SLC28A2: variants seen among roughly 807,000 people sequenced by gnomAD.
SLC28A2 encodes the protein sodium/nucleoside cotransporter 2.
SLC28A2 carries 69 observed loss-of-function variants against 72.9 expected under a neutral mutation model. The ratio of observed to expected loss-of-function variants is 0.95; its 90% confidence interval spans 0.78 to 1.16. SLC28A2 has a LOEUF of 1.16. Ranked by LOEUF, SLC28A2 falls within the 50% of genes most tolerant of loss-of-function variation. The pLI is 0.00. For missense variants in SLC28A2, 745 were observed against 791.1 expected (o/e 0.94, Z 0.70); for synonymous variants, 296 against 294.1 (o/e 1.01, Z -0.07).
chr15:45,270,084 G>T, intron 14 of SLC28A2, 111 bp from the exon 15 acceptor site: 1 of 733,176 alleles, frequency 1.4e-6, no homozygotes, highest in East Asian at 2.5e-5. Context: ...TGTTCCTTGG[G>T]AAACCATGGA....
Position 45,263,182 on chromosome 15 carries a change from CA to C in SLC28A2, c.390del (p.Lys130AsnfsTer2), listed in dbSNP as rs1486675232. 6.2e-7 allele frequency: 1 copy of C among 1,613,928 alleles called. No individual in the cohort carries two copies. Among genetic ancestry groups the C allele is most frequent in the African/African-American group, 1.3e-5 (1 of 74,952 alleles). ...ACTCGTTTTTGAAAAAGCTCCTGGGCAAAAAATTAACAAGATGTCTGAAGCC... is the reference window on the plus strand; with the variant it reads ...ACTCGTTTTTGAAAAAGCTCCTGGGCAAAAATTAACAAGATGTCTGAAGCC... ...VHSFLKKLLG[K>X]KLTRCLKPFE... is the part of the protein sequence containing the mutation. On this transcript the variant is annotated frameshift_variant, in exon 5 of 18. Coordinates refer to ENST00000347644, the MANE Select transcript of SLC28A2 (RefSeq NM_004212.4). LOFTEE classifies it high-confidence loss of function.
intron 3 of SLC28A2, chr15:45,254,051 T>C (rs1298159773): frequency 6.6e-6 from 1 of 152,396 alleles, no homozygotes; most frequent in Non-Finnish European, 1.5e-5. Context: ...CAGTGCTATG[T>C]GAACAGGGGT....
intron 16 of SLC28A2, 94 bp downstream of exon 16, chr15:45,272,487 G>A (rs924688742): frequency 7.5e-5 from 76 of 1,018,590 alleles, no homozygotes; most frequent in Middle Eastern, 2.1e-4. Context: ...GAGTACAGGG[G>A]CAACAAAGAT....
At chr15:45,273,543 TAAG>T (rs1397622003) in intron 17 of SLC28A2, among the ~76,000 whole-genome samples, 1 of 152,208 alleles carries the variant, frequency 6.6e-6, no homozygotes, top group Non-Finnish European at 1.5e-5. Flanking sequence ...TGAGAGATCA[TAAG>T]AAGCCTTGTA....
rs1334518692 is a variant in SLC28A2 at position 45,272,350 on chromosome 15, C to G, written c.1704C>G (p.Leu568=). Residue 568 remains leucine (L), a synonymous_variant, in exon 16 of 18, where the codon CTC becomes CTG. Coordinates refer to ENST00000347644, the MANE Select transcript of SLC28A2 (RefSeq NM_004212.4). The part of the protein sequence containing the change: ...SDLSKVVVRA[L]FTGACVSLIS... Reference sequence around the variant, plus strand: ...TGTCCAAGGTTGTGGTCAGGGCCCTCTTCACAGGGGCCTGTGTATCCCTTA... The same window carrying G: ...TGTCCAAGGTTGTGGTCAGGGCCCTGTTCACAGGGGCCTGTGTATCCCTTA... The G allele has an allele frequency of 6.2e-7, 1 of 1,613,910 alleles. No homozygotes were observed. Among genetic ancestry groups the G allele is most frequent in the Non-Finnish European group, 8.5e-7 (1 of 1,180,002 alleles).
At chr15:45,258,529 G>C (rs1900048294) in intron 3 of SLC28A2, among the ~76,000 whole-genome samples, 1 of 151,990 alleles carries the variant, frequency 6.6e-6, no homozygotes, top group South Asian at 2.1e-4. Flanking sequence ...CTGACTTTTA[G>C]CATCATAGAT....
intron 4 of SLC28A2, 91 bp from the exon 5 acceptor site, chr15:45,262,970 G>A: frequency 8.8e-7 from 1 of 1,135,102 alleles, no homozygotes; most frequent in Non-Finnish European, 1.3e-6. Context: ...GGTTTTTCTT[G>A]CTCTAAGTCC....
At chr15:45,272,586 G>T in intron 16 of SLC28A2, 87 bp from the exon 17 acceptor site, 1 of 885,478 alleles carries the variant, frequency 1.1e-6, no homozygotes, top group Middle Eastern at 2.2e-4. Flanking sequence ...CTAATCAAGA[G>T]TGTCCACAAT....
Position 45,272,780 on chromosome 15 carries a change from C to G in SLC28A2, c.1855C>G (p.Gln619Glu). 6.5e-7 allele frequency: 1 copy of G among 1,543,290 alleles called. No homozygotes were observed. The highest frequency in any genetic ancestry group is 9.0e-7 in the Non-Finnish European group (1 of 1,115,402). Residue 619 changes from glutamine to glutamate, a missense_variant, in exon 17 of 18, where the codon CAG (glutamine) becomes GAG (glutamate). Coordinates refer to ENST00000347644, the MANE Select transcript of SLC28A2 (RefSeq NM_004212.4). ...CTACATGTGCTGCAGAGGGCTCTTT[C>G]AGAGGTGAGCACCAGGACCCCATTC... ...ETYMCCRGLF[Q>E]STSLNGTNPP... is the part of the protein sequence containing the mutation.
intron 3 of SLC28A2, 162 bp downstream of exon 3, chr15:45,253,682 T>TAA: frequency 6.1e-5 from 30 of 492,350 alleles, no homozygotes; most frequent in Middle Eastern, 5.5e-4. Flanking sequence ...ATAAACTCCA[T>TAA]AAAAAAAAAG....
intron 3 of SLC28A2, among the ~76,000 whole-genome samples, chr15:45,257,579 A>G (rs905580648): frequency 2.6e-5 from 4 of 152,126 alleles, no homozygotes; most frequent in Non-Finnish European, 4.4e-5. Flanking sequence ...ACATTTTTCA[A>G]TTCTGTTTTG....
Position 45,264,016 on chromosome 15 carries a change from C to A in SLC28A2, c.582C>A (p.His194Gln), listed in dbSNP as rs562313082. ...ILILFACSKH[H>Q]SAVSWRTVFS... is the part of the protein sequence containing the mutation. ...TCCTCTTTGCCTGCTCCAAACACCA[C>A]AGCGCAGTGAGTTTTGGGTATTTGG... is the stretch of plus-strand genomic sequence containing the variant. Residue 194 changes from histidine to glutamine, a missense_variant, in exon 6 of 18, where the codon CAC becomes CAA. By Grantham distance (24) the His-to-Gln change is conservative. Coordinates refer to ENST00000347644, the MANE Select transcript of SLC28A2 (RefSeq NM_004212.4). 54 of 1,610,720 alleles carry A rather than the reference C, an allele frequency of 3.4e-5. No homozygotes were observed. The Middle Eastern group carries it at 5.0e-4, about 15-fold the overall frequency.
At chr15:45,252,325 T>G (rs1899818519) in intron 1 of SLC28A2, 47 bp downstream of exon 1, 1 of 455,514 alleles carries the variant, frequency 2.2e-6, no homozygotes, top group African/African-American at 2.0e-5. Context: ...TTTACAAATT[T>G]TTAAAGAGAT....
At chr15:45,258,216 G>A (rs551295367) in intron 3 of SLC28A2, among the ~76,000 whole-genome samples, 92 of 151,872 alleles carry the variant, frequency 6.1e-4, no homozygotes, top group African/African-American at 1.7e-3. Flanking sequence ...GTGAGACTCC[G>A]TCTCAAAAAT....
intron 13 of SLC28A2, 37 bp downstream of exon 13, chr15:45,268,415 T>A (rs748273014): frequency 1.4e-5 from 22 of 1,532,130 alleles, no homozygotes; most frequent in Non-Finnish European, 2.0e-5. Context: ...CCCTCTGGGA[T>A]GTGGTTAGGT....
chr15:45,270,226 T>C lies in SLC28A2; in HGVS notation c.1598T>C (p.Leu533Pro). The change falls in exon 15 of 18, where the codon CTC becomes CCC. Residue 533 changes from leucine (L) to proline (P), a missense_variant. By Grantham distance (98) the Leu-to-Pro change is moderately conservative. Transcript: ENST00000347644. ...VRAEIITTFS[L>P]CGFANLSSIG... is the part of the protein sequence containing the mutation. The stretch of plus-strand genomic sequence containing the variant: ...GCTGAAATCATTACAACATTTTCAC[T>C]CTGTGGATTTGCCAATCTTAGTTCC... The C allele has an allele frequency of 6.2e-7, 1 of 1,613,894 alleles. No individual in the cohort carries two copies. The highest frequency in any genetic ancestry group is 8.5e-7 in the Non-Finnish European group (1 of 1,179,732).
chr15:45,261,082 G>C (rs1365117665), intron 3 of SLC28A2, among the ~76,000 whole-genome samples: 1 of 152,216 alleles, frequency 6.6e-6, no homozygotes, highest in Non-Finnish European at 1.5e-5. Flanking sequence ...TGGCTAAGCT[G>C]CCCTGCCTCA....
chr15:45,265,044 T>C (rs1900288812), intron 7 of SLC28A2, 45 bp from the exon 8 acceptor site: 5 of 1,429,444 alleles, frequency 3.5e-6, no homozygotes, highest in East Asian at 2.3e-5. Context: ...TGTGTCCTTT[T>C]GGGTTTCATT....
intron 3 of SLC28A2, among the ~76,000 whole-genome samples, chr15:45,258,544 T>A (rs1337363225): frequency 6.6e-6 from 1 of 152,196 alleles, no homozygotes; most frequent in African/African-American, 2.4e-5. Flanking sequence ...ATAGATTAAT[T>A]TTGCCTGTGT....
Sources: gnomAD v4.1 joint callset for allele counts (sites outside exome capture counted in the v4.1 genomes callset) on GRCh38, gnomAD v4.1.1 for gene constraint, MANE v1.5 for transcripts, NCBI Gene and HGNC (gene_info 2026-07-23, HGNC 2026-07-21) for gene names.